The following NGLY1 variants were observed in gnomAD, a reference collection of about 807,000 sequenced individuals.
NGLY1 encodes N-glycanase 1, also known as peptide-N(4)-(N-acetyl-beta-glucosaminyl)asparagine amidase.
In NGLY1, 68 loss-of-function variants were observed where a neutral mutation model predicts 84.6. That is an observed-to-expected ratio of 0.80 (90% CI 0.66 to 0.98). NGLY1 has a LOEUF of 0.98. NGLY1 is among the 50% of genes least tolerant of loss of function. NGLY1 has a pLI of 0.00. For synonymous variants in NGLY1, 280 were observed against 275.2 expected (o/e 1.02, Z -0.17); for missense variants, 779 against 770.2 (o/e 1.01, Z -0.14).
chr3:25,726,302 G>GA (rs1264234579), intron 10 of NGLY1, among the ~76,000 whole-genome samples: 1 of 152,144 alleles, frequency 6.6e-6, no homozygotes, highest in African/African-American at 2.4e-5. Context: ...TATGAATACT[G>GA]AGAGTACAAA....
chr3:25,742,675 T>C (rs543452182), intron 4 of NGLY1, among the ~76,000 whole-genome samples: 8 of 152,206 alleles, frequency 5.3e-5, no homozygotes, highest in African/African-American at 1.9e-4. Context: ...GTGCCTACCA[T>C]GCAGCAGCTA....
chr3:25,741,689 C>T (rs1485070917), intron 4 of NGLY1, among the ~76,000 whole-genome samples: 1 of 151,962 alleles, frequency 6.6e-6, no homozygotes, highest in Admixed American at 6.6e-5. Context: ...ACATGTCTAA[C>T]AAAGAAAAGA....
upstream of NGLY1, among the ~76,000 whole-genome samples, chr3:25,787,677 C>A (rs1708634559): frequency 6.6e-6 from 1 of 152,170 alleles, no homozygotes; most frequent in Non-Finnish European, 1.5e-5. Context: ...AAGAATGTTG[C>A]ACTCCAAATT....
intron 10 of NGLY1, among the ~76,000 whole-genome samples, chr3:25,722,203 C>G (rs998079750): frequency 6.7e-6 from 1 of 148,474 alleles, no homozygotes; most frequent in Non-Finnish European, 1.5e-5. Flanking sequence ...GGTGACAGAG[C>G]GAGACTCTGT....
chr3:25,728,502 G>C (rs1395836604), intron 10 of NGLY1, among the ~76,000 whole-genome samples: 2 of 152,104 alleles, frequency 1.3e-5, no homozygotes, highest in Non-Finnish European at 2.9e-5. Flanking sequence ...GTGTTTCTAA[G>C]GAGCAGGCAG....
chr3:25,731,950 G>A (rs1185923336), intron 9 of NGLY1, among the ~76,000 whole-genome samples: 2 of 152,180 alleles, frequency 1.3e-5, no homozygotes, highest in African/African-American at 2.4e-5. Flanking sequence ...TTGTTTCTAC[G>A]GTTCCAGTGA....
chr3:25,775,298 A>G (rs1330126149), intron 2 of NGLY1, among the ~76,000 whole-genome samples: 1 of 152,136 alleles, frequency 6.6e-6, no homozygotes, highest in African/African-American at 2.4e-5. Flanking sequence ...CCTATCCACC[A>G]TTTTCCAAAA....
chr3:25,756,302 A>G (rs1394093182), intron 3 of NGLY1, among the ~76,000 whole-genome samples: 1 of 152,212 alleles, frequency 6.6e-6, no homozygotes, highest in African/African-American at 2.4e-5. Flanking sequence ...AATTTAAAAA[A>G]TATCATTCCT....
At chr3:25,734,883 A>G in intron 7 of NGLY1, 4 of 876,972 alleles carry the variant, frequency 4.6e-6, no homozygotes, top group Non-Finnish European at 5.5e-6. Context: ...TGATTCCACA[A>G]AATTCAACAA....
intron 7 of NGLY1, 40 bp downstream of exon 7, chr3:25,735,964 T>C (rs927878774): frequency 1.3e-6 from 2 of 1,511,890 alleles, no homozygotes; most frequent in Non-Finnish European, 9.0e-7. Flanking sequence ...AAAAAATATA[T>C]TTTACTTTTG....
At chr3:25,776,577 T>C (rs1463851846) in intron 2 of NGLY1, among the ~76,000 whole-genome samples, 1 of 152,204 alleles carries the variant, frequency 6.6e-6, no homozygotes, top group African/African-American at 2.4e-5. Flanking sequence ...TTGGCTTCTC[T>C]ACTTGAATAT....
Position 25,783,242 on chromosome 3 carries a change from G to A in NGLY1, c.131+18C>T, listed in dbSNP as rs765031643. 1 of 1,429,548 alleles carries A rather than the reference G, an allele frequency of 7.0e-7. No homozygotes were observed. The highest frequency in any genetic ancestry group is 1.1e-5 in the South Asian group (1 of 87,450). The allele number at this position is 1,429,548 out of a possible 1,614,324, so 88.6% of individuals were successfully genotyped here. Reference sequence around the variant, plus strand: ...CCACCCACCCCGGTACCCGCCGTCCGACCCCGTTGCCCTGCACCTGAGGAT... The same window carrying A: ...CCACCCACCCCGGTACCCGCCGTCCAACCCCGTTGCCCTGCACCTGAGGAT... On this transcript the variant is annotated intron_variant, in intron 1 of 11. Coordinates refer to ENST00000280700, the MANE Select transcript of NGLY1 (RefSeq NM_018297.4). The surrounding 1 kb of genome is among the most constrained non-coding windows in gnomAD (Gnocchi z 4.5).
At chr3:25,781,367 T>C (rs1202733543) in intron 1 of NGLY1, among the ~76,000 whole-genome samples, 1 of 152,178 alleles carries the variant, frequency 6.6e-6, no homozygotes, top group East Asian at 1.9e-4. Flanking sequence ...AAATTCTTTT[T>C]CTTATTAAGT....
At chr3:25,757,881 G>T (rs1707120147) in intron 3 of NGLY1, among the ~76,000 whole-genome samples, 4 of 152,140 alleles carry the variant, frequency 2.6e-5, no homozygotes, top group Admixed American at 2.0e-4. Context: ...TGAGGTAAGA[G>T]AAAAAAATGT....
chr3:25,746,851 A>G (rs113853720), intron 4 of NGLY1, among the ~76,000 whole-genome samples: 41 of 152,270 alleles, frequency 2.7e-4, no homozygotes, highest in African/African-American at 9.6e-4. Flanking sequence ...ATTTTTTGAG[A>G]CGGAGTTTCG....
intron 3 of NGLY1, chr3:25,755,647 C>T (rs1707001211): frequency 1.4e-6 from 2 of 1,477,760 alleles, no homozygotes; most frequent in South Asian, 2.3e-5. Flanking sequence ...AAGAGAAAAA[C>T]ATGAAGATGA....
chr3:25,776,533 T>C (rs186090573), intron 2 of NGLY1, among the ~76,000 whole-genome samples: 1 of 152,322 alleles, frequency 6.6e-6, no homozygotes. Flanking sequence ...AATCTCTCCT[T>C]TGGGGTTGTA....
At chr3:25,775,297 C>A (rs1392317498) in intron 2 of NGLY1, among the ~76,000 whole-genome samples, 1 of 152,316 alleles carries the variant, frequency 6.6e-6, no homozygotes. Context: ...TCCTATCCAC[C>A]ATTTTCCAAA....
At chr3:25,789,323 A>G (rs1450032778) in intron 1 of NGLY1, among the ~76,000 whole-genome samples, 1 of 152,170 alleles carries the variant, frequency 6.6e-6, no homozygotes, top group Non-Finnish European at 1.5e-5. Context: ...TTATTAGGAA[A>G]GTAAAGGAAC....
Sources: allele counts gnomAD v4.1 joint callset (sites outside exome capture counted in the v4.1 genomes callset), GRCh38; gene constraint gnomAD v4.1.1; non-coding constraint Gnocchi (gnomAD v3.1); transcripts MANE v1.5; gene names NCBI Gene and HGNC (gene_info 2026-07-23, HGNC 2026-07-21).